The following SULF2 variants were observed in gnomAD, a reference collection of about 807,000 sequenced individuals.
SULF2 encodes extracellular sulfatase Sulf-2.
A neutral mutation model predicts 107.7 loss-of-function variants in SULF2; 52 were observed. That is an observed-to-expected ratio of 0.48 (90% CI 0.39 to 0.61). SULF2 has a LOEUF of 0.61. Ranked by LOEUF, SULF2 falls within the 20% of genes least tolerant of loss-of-function variation. SULF2 has a pLI of 0.00. For missense variants in SULF2, 993 were observed against 1,177.3 expected (o/e 0.84, Z 2.29); for synonymous variants, 460 against 464.3 (o/e 0.99, Z 0.12).
upstream of SULF2, chr20:47,786,201 C>T (rs2090929560): frequency 6.6e-6 from 1 of 152,174 alleles, no homozygotes; most frequent in South Asian, 2.1e-4. Context: ...GCTAATAAAT[C>T]AAATATCGTG....
chr20:47,684,536 G>A lies in SULF2; in HGVS notation c.783C>T (p.Ile261=). 1 of 1,614,172 alleles carries A rather than the reference G, an allele frequency of 6.2e-7. No homozygotes were observed. The highest frequency in any genetic ancestry group is 8.5e-7 in the Non-Finnish European group (1 of 1,179,994). The change falls in exon 6 of 21, where the codon ATC becomes ATT. Residue 261 remains isoleucine (I), a synonymous_variant. Coordinates refer to ENST00000688720, the MANE Select transcript of SULF2 (RefSeq NM_001387048.1). ...NYAPNPDKHW[I]MRYTGPMKPI... ...GCTTCATGGGCCCCGTGTAGCGCAT[G>A]ATCCAGTGTTTGTCCGGGTTGGGCG...
Position 47,733,420 on chromosome 20 carries a change from G to A in SULF2, c.415+3283C>T, listed in dbSNP as rs1451081199. On this transcript the variant is annotated intron_variant, in intron 3 of 20. Transcript: ENST00000688720. ...CTACACTTCGTCAATTCACTTGCTT[G>A]AAGAATCAACTCATTAGTTGCAACT... Among the ~76,000 whole-genome samples, 5 of 152,322 alleles carry A rather than the reference G, an allele frequency of 3.3e-5. No individual in the cohort carries two copies. In the East Asian group the frequency reaches 9.6e-4, roughly 29 times the overall value.
intron 1 of SULF2, among the ~76,000 whole-genome samples, chr20:47,782,734 T>G (rs945919551): frequency 6.6e-6 from 1 of 152,108 alleles, no homozygotes; most frequent in Non-Finnish European, 1.5e-5. Context: ...GAGGGGACAG[T>G]GTGTCTGCTC....
At chr20:47,729,548 AG>A (rs2089537418) in intron 3 of SULF2, among the ~76,000 whole-genome samples, 1 of 152,196 alleles carries the variant, frequency 6.6e-6, no homozygotes, top group African/African-American at 2.4e-5. Flanking sequence ...CAGAGCTGAC[AG>A]GGTTTGCTGA....
chr20:47,767,063 G>A (rs1413145), intron 1 of SULF2, among the ~76,000 whole-genome samples: 50,760 of 151,918 alleles, frequency 0.33, 9,162 homozygotes, highest in East Asian at 0.72. Context: ...CAGGGAACAC[G>A]CTGAGTAGGA....
intron 7 of SULF2, among the ~76,000 whole-genome samples, chr20:47,682,257 C>T (rs765610722): frequency 7.2e-5 from 11 of 152,212 alleles, no homozygotes; most frequent in Non-Finnish European, 1.3e-4. Flanking sequence ...GGAGGAATTC[C>T]GCAGCCAGCC....
intron 3 of SULF2, among the ~76,000 whole-genome samples, chr20:47,736,483 A>C (rs2146785478): frequency 6.6e-6 from 1 of 152,334 alleles, no homozygotes; most frequent in Middle Eastern, 3.4e-3. Flanking sequence ...GGGGGACTCA[A>C]ATTCCTTTGA....
At position 47,664,199 on chromosome 20, in the gene SULF2, A is replaced by AC. The variant is rs369903731; in HGVS notation, c.1998-11dup. ...GTGCTGGGTGTGGTAGCTGTAACAG[A>AC]CCCCCCCAGCCCCAGGCTTCAGGAG... On this transcript the variant is annotated splice_polypyrimidine_tract_variant and intron_variant, in intron 14 of 20. Coordinates refer to ENST00000688720, the MANE Select transcript of SULF2 (RefSeq NM_001387048.1). 4.3e-3 allele frequency: 6,880 copies of AC among 1,607,110 alleles called. 35 individuals are homozygous for AC. Among genetic ancestry groups the AC allele is most frequent in the African/African-American group, 0.02 (1,478 of 74,584 alleles).
At chr20:47,732,106 A>G (rs2089627434) in intron 3 of SULF2, among the ~76,000 whole-genome samples, 3 of 152,054 alleles carry the variant, frequency 2.0e-5, no homozygotes, top group Non-Finnish European at 4.4e-5. Context: ...ATTTTGCCCA[A>G]GCTGGTCTCG....
chr20:47,669,554 G>A (rs1289034026), intron 11 of SULF2, among the ~76,000 whole-genome samples: 1 of 152,224 alleles, frequency 6.6e-6, no homozygotes, highest in Non-Finnish European at 1.5e-5. Flanking sequence ...CCTGCTCTAG[G>A]CTGACTGCTC....
chr20:47,717,113 T>C (rs1192082413), intron 3 of SULF2, among the ~76,000 whole-genome samples: 1 of 152,184 alleles, frequency 6.6e-6, no homozygotes, highest in Non-Finnish European at 1.5e-5. Flanking sequence ...CTCCACTGTC[T>C]ACCAGAAGGA....
At chr20:47,784,481 G>A (rs1397722077) in intron 1 of SULF2, among the ~76,000 whole-genome samples, 2 of 152,024 alleles carry the variant, frequency 1.3e-5, no homozygotes, top group Admixed American at 6.5e-5. Context: ...TGCAGGTGGG[G>A]GAGTTGCGGA....
At position 47,684,525 on chromosome 20, in the gene SULF2, G is replaced by A. The variant is rs781398859; in HGVS notation, c.794C>T (p.Thr265Met). The change falls in exon 6 of 21, where the codon ACG becomes ATG. Residue 265 changes from threonine (T) to methionine (M), a missense_variant. Around this residue, in one of 3 missense-constraint regions of SULF2, gnomAD observed 388 missense variants for 449.2 expected, o/e 0.86. Transcript: ENST00000688720. ...CATGTGGATGGGCTTCATGGGCCCC[G>A]TGTAGCGCATGATCCAGTGTTTGTC... Reference protein sequence around the residue: ...NPDKHWIMRYTGPMKPIHMEF... With the variant: ...NPDKHWIMRYMGPMKPIHMEF... 7 of 1,614,092 alleles carry A rather than the reference G, an allele frequency of 4.3e-6. No homozygotes were observed. The highest frequency in any genetic ancestry group is 3.3e-5 in the Admixed American group (2 of 60,020).
At chr20:47,743,290 T>C (rs2089932809) in intron 2 of SULF2, among the ~76,000 whole-genome samples, 1 of 151,814 alleles carries the variant, frequency 6.6e-6, no homozygotes, top group Admixed American at 6.6e-5. Flanking sequence ...TCCCAAGCTG[T>C]TCTATTCTCC....
intron 2 of SULF2, among the ~76,000 whole-genome samples, chr20:47,739,080 G>C (rs1432207384): frequency 6.6e-6 from 1 of 152,152 alleles, no homozygotes; most frequent in East Asian, 1.9e-4. Flanking sequence ...AGGCAAGGAA[G>C]GGCTCTCCCC....
intron 3 of SULF2, among the ~76,000 whole-genome samples, chr20:47,730,836 T>G (rs1403472447): frequency 1.3e-5 from 2 of 152,198 alleles, no homozygotes; most frequent in African/African-American, 4.8e-5. Flanking sequence ...TTCCTTATTC[T>G]TTCCAGCAGC....
At chr20:47,745,450 TATATATAC>T (rs1443086033) in intron 2 of SULF2, among the ~76,000 whole-genome samples, 1,126 of 16,048 alleles carry the variant, frequency 0.07, 77 homozygotes, top group Non-Finnish European at 0.09. Flanking sequence ...TATATATATA[TATATATAC>T]ACATACACAC....
intron 3 of SULF2, among the ~76,000 whole-genome samples, chr20:47,709,162 T>A (rs1315877435): frequency 1.3e-5 from 2 of 152,112 alleles, no homozygotes; most frequent in African/African-American, 4.8e-5. Context: ...AAAACCAAGA[T>A]TAAAAGCCCA....
intron 1 of SULF2, among the ~76,000 whole-genome samples, chr20:47,762,839 C>T (rs1381950820): frequency 2.6e-5 from 4 of 152,232 alleles, no homozygotes; most frequent in East Asian, 1.9e-4. Flanking sequence ...GGCTATCACC[C>T]GCTCTCCTCT....
Sources: gnomAD v4.1 joint callset for allele counts (sites outside exome capture counted in the v4.1 genomes callset) on GRCh38, gnomAD v4.1.1 for gene constraint, gnomAD v4.1.1 regional missense constraint, MANE v1.5 for transcripts, NCBI Gene and HGNC (gene_info 2026-07-23, HGNC 2026-07-21) for gene names.